OXR1: variants seen among roughly 807,000 people sequenced by gnomAD.
OXR1 encodes the protein oxidation resistance protein 1.
Under a neutral mutation model 104.6 loss-of-function variants are expected in OXR1, and 41 were observed. The ratio of observed to expected loss-of-function variants is 0.39; its 90% CI spans 0.31 to 0.51. The LOEUF (loss-of-function observed/expected upper bound fraction) is 0.51, where lower values mean the gene tolerates loss of function less well. Ranked by LOEUF, OXR1 falls within the 20% of genes least tolerant of loss-of-function variation. The probability of loss-of-function intolerance (pLI) is 0.77; values close to 1 mark genes in which losing one functional copy is unlikely to be tolerated. For synonymous variants in OXR1, 348 were observed against 348.4 expected, an observed-to-expected ratio of 1.00 and a Z score of 0.01; for missense variants, 955 against 1,031.9, an observed-to-expected ratio of 0.93 and a Z score of 1.02.
chr8:106,644,946 T>C (rs1823951835), intron 3 of OXR1, among the ~76,000 whole-genome samples: 1 of 152,198 alleles, frequency 6.6e-6, no homozygotes, highest in African/African-American at 2.4e-5. Context: ...CTGATTCTCA[T>C]TATCAACAGG....
chr8:106,704,393 C>CTTTTTTTTTTTTTTTTTTTTTTTTTT (rs71307084), intron 8 of OXR1, among the ~76,000 whole-genome samples: 13 of 47,886 alleles, frequency 2.7e-4, no homozygotes, highest in Admixed American at 3.2e-4. Flanking sequence ...CTTTCTTCTT[C>CTTTTTTTTTTTTTTTTTTTTTTTTTT]TTTTTTTTTT....
chr8:106,606,075 C>T (rs1398666684), intron 3 of OXR1, among the ~76,000 whole-genome samples: 1 of 152,084 alleles, frequency 6.6e-6, no homozygotes, highest in African/African-American at 2.4e-5. Flanking sequence ...TATTAAGTCC[C>T]AGCATTCTGA....
At chr8:106,548,077 T>A (rs1321790546) in intron 3 of OXR1, among the ~76,000 whole-genome samples, 1 of 152,204 alleles carries the variant, frequency 6.6e-6, no homozygotes, top group East Asian at 1.9e-4. Context: ...ATTTTAATTC[T>A]CACCACCAAT....
chr8:106,270,837 G>T (rs1380618294), intron 1 of OXR1, among the ~76,000 whole-genome samples: 1 of 152,154 alleles, frequency 6.6e-6, no homozygotes, highest in Non-Finnish European at 1.5e-5. Flanking sequence ...GGTGGAAAGT[G>T]GGGCGCGTGG....
chr8:106,540,853 G>A (rs1018050980), intron 3 of OXR1, among the ~76,000 whole-genome samples: 1 of 152,124 alleles, frequency 6.6e-6, no homozygotes, highest in African/African-American at 2.4e-5. Context: ...TCACTATCAC[G>A]AGAACAGTGC....
At chr8:106,719,027 G>GTTATCTGCA (rs1368453919) in intron 11 of OXR1, among the ~76,000 whole-genome samples, 6 of 152,094 alleles carry the variant, frequency 3.9e-5, no homozygotes, top group African/African-American at 7.2e-5. Context: ...TGCTTTTGGG[G>GTTATCTGCA]ATCTGATAAC....
At chr8:106,411,282 A>G (rs1266070532) in intron 2 of OXR1, among the ~76,000 whole-genome samples, 2 of 152,164 alleles carry the variant, frequency 1.3e-5, no homozygotes, top group Non-Finnish European at 2.9e-5. Flanking sequence ...CTGGATGATA[A>G]GGAGTAGGAA....
At chr8:106,444,692 G>T (rs375530683) in intron 2 of OXR1, among the ~76,000 whole-genome samples, 5 of 151,228 alleles carry the variant, frequency 3.3e-5, no homozygotes, top group Non-Finnish European at 5.9e-5. Flanking sequence ...TGTTGGGGGT[G>T]GGGGGTGAGG....
intron 3 of OXR1, among the ~76,000 whole-genome samples, chr8:106,651,597 C>A (rs910615496): frequency 6.6e-6 from 1 of 152,242 alleles, no homozygotes; most frequent in African/African-American, 2.4e-5. Context: ...CTTCTGAACC[C>A]TGAATTATAT....
At chr8:106,419,233 C>T (rs1818805630) in intron 2 of OXR1, among the ~76,000 whole-genome samples, 1 of 152,166 alleles carries the variant, frequency 6.6e-6, no homozygotes, top group Non-Finnish European at 1.5e-5. Context: ...ATCTTCCTTC[C>T]TCAGAACTCA....
chr8:106,429,110 T>A (rs1819254896), intron 2 of OXR1, among the ~76,000 whole-genome samples: 2 of 152,114 alleles, frequency 1.3e-5, no homozygotes, highest in African/African-American at 4.8e-5. Context: ...ACGGCTTTAT[T>A]GTCCTGGGCT....
chr8:106,545,175 C>T (rs1815258056), intron 3 of OXR1, among the ~76,000 whole-genome samples: 1 of 152,068 alleles, frequency 6.6e-6, no homozygotes, highest in Non-Finnish European at 1.5e-5. Context: ...CAAAGTCACC[C>T]CTGGTTGAAA....
intron 3 of OXR1, among the ~76,000 whole-genome samples, chr8:106,662,681 A>C (rs1825878464): frequency 6.6e-6 from 1 of 152,202 alleles, no homozygotes; most frequent in Non-Finnish European, 1.5e-5. Context: ...AGTTGGGAAA[A>C]TAGACATTGG....
intron 6 of OXR1, among the ~76,000 whole-genome samples, chr8:106,690,026 CTTAAAA>C (rs951313774): frequency 1.1e-4 from 16 of 150,934 alleles, no homozygotes; most frequent in African/African-American, 3.4e-4. Flanking sequence ...TATTTTTTAA[CTTAAAA>C]TTAAAGACAC....
chr8:106,405,161 T>G (rs1563757762), intron 2 of OXR1, among the ~76,000 whole-genome samples: 2 of 17,728 alleles, frequency 1.1e-4, no homozygotes, highest in African/African-American at 7.1e-4. Context: ...TATATATATA[T>G]ATATATATAT....
chr8:106,674,732 C>G (rs1827390151), intron 3 of OXR1, among the ~76,000 whole-genome samples: 1 of 152,024 alleles, frequency 6.6e-6, no homozygotes, highest in Non-Finnish European at 1.5e-5. Context: ...GGGGTGGTTT[C>G]CCTAATGCTG....
intron 15 of OXR1, among the ~76,000 whole-genome samples, chr8:106,745,194 ACAC>A (rs1183110325): frequency 1.3e-5 from 2 of 152,208 alleles, no homozygotes; most frequent in African/African-American, 4.8e-5. Flanking sequence ...TTTAGGTAAA[ACAC>A]CCATAAAAGG....
At chr8:106,364,345 C>T (rs565222875) in intron 2 of OXR1, among the ~76,000 whole-genome samples, 139 of 152,016 alleles carry the variant, frequency 9.1e-4, no homozygotes, top group Non-Finnish European at 1.7e-3. Context: ...ATTGGGAGGC[C>T]GAGGCGGGTG....
At chr8:106,275,335 A>G (rs1811994270) in intron 1 of OXR1, among the ~76,000 whole-genome samples, 1 of 152,192 alleles carries the variant, frequency 6.6e-6, no homozygotes, top group South Asian at 2.1e-4. Flanking sequence ...CCTTCCCTGC[A>G]GATACTTGTT....
Sources: allele counts gnomAD v4.1 joint callset (sites outside exome capture counted in the v4.1 genomes callset), GRCh38; gene constraint gnomAD v4.1.1; transcripts MANE v1.5; gene names NCBI Gene and HGNC (gene_info 2026-07-23, HGNC 2026-07-21).